Variants in RECK observed in about 807,000 individuals in gnomAD.
The protein encoded by RECK is reversion-inducing cysteine-rich protein with Kazal motifs.
Under a neutral mutation model 115.1 loss-of-function variants are expected in RECK, and 69 were observed. The ratio of observed to expected loss-of-function variants is 0.60; its 90% CI spans 0.49 to 0.73. The LOEUF is 0.73. Ranked by LOEUF, RECK falls within the 30% of genes least tolerant of loss-of-function variation. The pLI, the probability that RECK is intolerant of heterozygous loss-of-function variation, is 0.00. For missense variants in RECK, 1,047 were observed against 1,203.7 expected, an observed-to-expected ratio of 0.87 and a Z score of 1.93; for synonymous variants, 414 against 419.7, an observed-to-expected ratio of 0.99 and a Z score of 0.17.
chr9:36,039,308 A>G lies in RECK; in HGVS notation c.100+2210A>G, dbSNP rs150931200. 4.6e-5 allele frequency among the ~76,000 whole-genome samples: 7 copies of G among 152,374 alleles called. No homozygotes were observed. In the East Asian group the frequency reaches 1.3e-3, roughly 29 times the overall value. On this transcript the variant is annotated intron_variant, in intron 1 of 20. Transcript: ENST00000377966. ...GCTTCCACTGTGAATTGTAGAAAGT[A>G]TAGAAAATGCTTTTCAATCCTAAAC...
chr9:36,043,422 C>G (rs922051936), intron 1 of RECK, among the ~76,000 whole-genome samples: 4 of 151,824 alleles, frequency 2.6e-5, no homozygotes, highest in African/African-American at 9.7e-5. Context: ...GATATTAGTC[C>G]TTTGTCAGAT....
chr9:36,058,697 AAAT>A, intron 2 of RECK, 127 bp from the exon 3 acceptor site: 1 of 256,592 alleles, frequency 3.9e-6, no homozygotes, highest in Non-Finnish European at 7.1e-6. Context: ...ATTTAAAAAT[AAAT>A]AAATAAAATA....
Position 36,102,102 on chromosome 9 carries a change from G to T in RECK, c.1307G>T (p.Cys436Phe). ...TGCATTTTTTTTTCAAGATCAGATT[G>T]TGTGGAGATTCTTAAAAAATGTGGA... is the stretch of plus-strand genomic sequence containing the variant. ...SRGSIICKSDCVEILKKCGDQ... is the reference protein window; with the variant it reads ...SRGSIICKSDFVEILKKCGDQ... The change falls in exon 12 of 21, where the codon TGT becomes TTT. Residue 436 changes from cysteine (C) to phenylalanine (F), a missense_variant. Transcript: ENST00000377966. 1.2e-6 allele frequency: 2 copies of T among 1,612,556 alleles called. No homozygotes were observed. Among genetic ancestry groups the T allele is most frequent in the Non-Finnish European group, 8.5e-7 (1 of 1,179,480 alleles).
Position 36,117,020 on chromosome 9 carries a change from T to C in RECK, c.2096T>C (p.Phe699Ser). ...AAACCACAGGTCTGCCTGACGACTT[T>C]TGATAAATTTGGATGTAGCCAGTAT... The part of the protein sequence containing the change: ...IPKPQVCLTT[F>S]DKFGCSQYEC... Residue 699 changes from phenylalanine (F) to serine (S), a missense_variant, in exon 17 of 21, where the codon TTT (phenylalanine) becomes TCT (serine). Phe to Ser is a radical substitution (Grantham distance 155). Coordinates refer to ENST00000377966, the MANE Select transcript of RECK (RefSeq NM_021111.3). The C allele has an allele frequency of 6.2e-7, 1 of 1,613,130 alleles. No individual in the cohort carries two copies. Among genetic ancestry groups the C allele is most frequent in the African/African-American group, 1.3e-5 (1 of 75,016 alleles).
chr9:36,121,410 G>A (rs1194335794), intron 19 of RECK, 123 bp from the exon 20 acceptor site: 3 of 849,104 alleles, frequency 3.5e-6, no homozygotes, highest in South Asian at 1.8e-5. Flanking sequence ...AGCTGCGGTT[G>A]GGCCTTCCGC....
rs1587095714 is a variant in RECK at position 36,116,123 on chromosome 9, G to A, written c.2061-862G>A. ...GAATTATTTTAGGACAAAGAGTGAGGCCTTTTTTTTTTTTTTTTTTTTTAG... is the reference window on the plus strand; with the variant it reads ...GAATTATTTTAGGACAAAGAGTGAGACCTTTTTTTTTTTTTTTTTTTTTAG... On this transcript the variant is annotated intron_variant, in intron 16 of 20. Coordinates refer to ENST00000377966, the MANE Select transcript of RECK (RefSeq NM_021111.3). Among the ~76,000 whole-genome samples the A allele has an allele frequency of 3.6e-5, 5 of 137,614 alleles. 1 individual carries two copies. In the South Asian group the frequency reaches 1.1e-3, roughly 31 times the overall value. 90.3% of individuals were successfully genotyped at this position (137,614 alleles called of 152,430 possible).
chr9:36,112,122 CAA>C (rs58460262), intron 15 of RECK, among the ~76,000 whole-genome samples, 181 bp from the exon 16 acceptor site: 7,498 of 71,064 alleles, frequency 0.11, 91 homozygotes, highest in Non-Finnish European at 0.12. Context: ...GACTCCATCT[CAA>C]AAAAAAAAAA....
chr9:36,080,681 T>A, intron 7 of RECK, 43 bp downstream of exon 7: 1 of 1,574,564 alleles, frequency 6.4e-7, no homozygotes, highest in Non-Finnish European at 8.7e-7. Context: ...TCCAAAGATA[T>A]AATTAGCCAT....
At chr9:36,043,630 T>G (rs529064931) in intron 1 of RECK, among the ~76,000 whole-genome samples, 1 of 152,336 alleles carries the variant, frequency 6.6e-6, no homozygotes, top group South Asian at 2.1e-4. Flanking sequence ...CGATGTTATC[T>G]TCTAGAATTT....
intron 11 of RECK, among the ~76,000 whole-genome samples, chr9:36,100,932 T>G (rs1394998367): frequency 2.0e-5 from 3 of 152,156 alleles, no homozygotes; most frequent in Non-Finnish European, 4.4e-5. Flanking sequence ...TCTTATATTC[T>G]GTTAGACTTT....
intron 10 of RECK, among the ~76,000 whole-genome samples, chr9:36,096,043 G>A (rs1266882289): frequency 6.7e-6 from 1 of 150,188 alleles, no homozygotes; most frequent in Non-Finnish European, 1.5e-5. Context: ...ACTCCAGCCT[G>A]GGCAACAAGA....
chr9:36,085,732 G>A (rs1311001230), intron 8 of RECK: 2 of 151,710 alleles, frequency 1.3e-5, no homozygotes, highest in African/African-American at 4.8e-5. Context: ...GAAAAAAAAA[G>A]ATGAAAAGAA....
chr9:36,098,915 G>A (rs1161397376), intron 10 of RECK, among the ~76,000 whole-genome samples: 1 of 152,070 alleles, frequency 6.6e-6, no homozygotes, highest in Non-Finnish European at 1.5e-5. Flanking sequence ...GGGCACAAGG[G>A]TACTTTATAG....
In RECK at chr9:36,056,939, A is replaced by G. The variant is rs924173734; in HGVS notation, c.160-1888A>G. ...TAGTTTTGGAGGAAAATGGCTAATA[A>G]ATAAGCTAACTGGAGATAAATCCTT... On this transcript the variant is annotated intron_variant, in intron 2 of 20. Coordinates refer to ENST00000377966, the MANE Select transcript of RECK (RefSeq NM_021111.3). 8.1e-6 allele frequency: 8 copies of G among 983,574 alleles called. No individual in the cohort carries two copies. The African/African-American group carries it at 1.4e-4, about 17-fold the overall frequency. The allele number at this position is 983,574 out of a possible 1,614,324, so 60.9% of individuals were successfully genotyped here.
At chr9:36,115,941 A>G (rs1040299348) in intron 16 of RECK, among the ~76,000 whole-genome samples, 1 of 152,160 alleles carries the variant, frequency 6.6e-6, no homozygotes, top group Non-Finnish European at 1.5e-5. Flanking sequence ...CTAAAGAAGA[A>G]AAGAATCATC....
rs1824560309 is a variant in RECK, at chr9:36,124,220, C to T, written c.*1175C>T. ...ATGTAATACTTCTTGTGTGTATGCA[C>T]ATGAACTTAGATTTTACATGAAGTA... On this transcript the variant is annotated 3_prime_UTR_variant, in exon 21 of 21. Coordinates refer to ENST00000377966, the MANE Select transcript of RECK (RefSeq NM_021111.3). 1 of 152,596 alleles carries T rather than the reference C, an allele frequency of 6.6e-6. No individual in the cohort carries two copies. Among genetic ancestry groups the T allele is most frequent in the African/African-American group, 2.4e-5 (1 of 41,424 alleles). The allele number at this position is 152,596 out of a possible 1,614,324, so 9.5% of individuals were successfully genotyped here. A position where few individuals can be genotyped will look rare whatever the true frequency, so the allele number is the denominator to read the frequency against.
chr9:36,110,108 C>T (rs755202105), intron 15 of RECK, 29 bp downstream of exon 15: 10 of 1,572,586 alleles, frequency 6.4e-6, no homozygotes, highest in Non-Finnish European at 7.8e-6. Flanking sequence ...AGTCTGTCCT[C>T]AGGGGCCATC....
At chr9:36,043,525 T>G (rs1445906579) in intron 1 of RECK, among the ~76,000 whole-genome samples, 1 of 152,176 alleles carries the variant, frequency 6.6e-6, no homozygotes, top group African/African-American at 2.4e-5. Context: ...TTAGTTTAAT[T>G]AAGTCCCATG....
chr9:36,102,127 A>G lies in RECK; in HGVS notation c.1332A>G (p.Gly444=). ...SDCVEILKKC[G]DQNKFPEDHT... ...GTGTGGAGATTCTTAAAAAATGTGG[A>G]GACCAGAACAAATTCCCTGAAGACC... The change falls in exon 12 of 21, where the codon GGA becomes GGG. Residue 444 remains glycine (G), a synonymous_variant. Coordinates refer to ENST00000377966, the MANE Select transcript of RECK (RefSeq NM_021111.3). The G allele has an allele frequency of 6.2e-7, 1 of 1,613,508 alleles. No individual in the cohort carries two copies. The highest frequency in any genetic ancestry group is 8.5e-7 in the Non-Finnish European group (1 of 1,179,798).
Sources: allele counts gnomAD v4.1 joint callset (sites outside exome capture counted in the v4.1 genomes callset), GRCh38; gene constraint gnomAD v4.1.1; transcripts MANE v1.5; gene names NCBI Gene and HGNC (gene_info 2026-07-23, HGNC 2026-07-21).